KDM4C: variants seen among roughly 807,000 people sequenced by gnomAD.
The protein encoded by KDM4C is lysine-specific demethylase 4C.
Under a neutral mutation model 129.3 loss-of-function variants are expected in KDM4C, and 81 were observed. The ratio of observed to expected loss-of-function variants is 0.63; its 90% CI spans 0.52 to 0.75. KDM4C has a LOEUF of 0.75. Ranked by LOEUF, KDM4C falls within the 30% of genes least tolerant of loss-of-function variation. KDM4C has a pLI of 0.00. For missense variants in KDM4C, 1,457 were observed against 1,304.0 expected (o/e 1.12, Z -1.81); for synonymous variants, 573 against 456.1 (o/e 1.26, Z -3.26).
At chr9:6,886,739 G>A (rs563474009) in intron 6 of KDM4C, among the ~76,000 whole-genome samples, 138 of 152,046 alleles carry the variant, frequency 9.1e-4, no homozygotes, top group African/African-American at 3.1e-3. Flanking sequence ...TGGACCACCC[G>A]CCTCAGCCTC....
intron 1 of KDM4C, among the ~76,000 whole-genome samples, chr9:6,776,758 C>T (rs11790685): frequency 0.057 from 8,657 of 151,908 alleles, 272 homozygotes; most frequent in East Asian, 0.12. Context: ...CATACCACCA[C>T]GCCCGGGTAA....
In KDM4C at chr9:6,988,875, C is replaced by G. The variant is rs562837571; in HGVS notation, c.1678-1541C>G. ...GGCCTTCTCTGATTACCCTATAAAACTGCCCCCTCCCCATCACTTTCTATT... is the reference window on the plus strand; with the variant it reads ...GGCCTTCTCTGATTACCCTATAAAAGTGCCCCCTCCCCATCACTTTCTATT... On this transcript the variant is annotated intron_variant, in intron 11 of 21. Transcript: ENST00000381309. Among the ~76,000 whole-genome samples, 4 of 152,096 alleles carry G rather than the reference C, an allele frequency of 2.6e-5. No homozygotes were observed. In the East Asian group the frequency reaches 5.8e-4, roughly 22 times the overall value.
intron 8 of KDM4C, among the ~76,000 whole-genome samples, chr9:6,900,157 C>T (rs1230433449): frequency 6.6e-6 from 1 of 152,186 alleles, no homozygotes; most frequent in African/African-American, 2.4e-5. Context: ...CTGTCCTATA[C>T]TGGCCCCCTT....
chr9:7,029,911 G>A (rs893083942), intron 15 of KDM4C, among the ~76,000 whole-genome samples: 1 of 152,182 alleles, frequency 6.6e-6, no homozygotes, highest in East Asian at 1.9e-4. Flanking sequence ...TTTATTGCCA[G>A]TTTGAAAAAC....
intron 2 of KDM4C, among the ~76,000 whole-genome samples, chr9:6,804,622 G>A (rs1169671635): frequency 6.6e-6 from 1 of 151,936 alleles, no homozygotes; most frequent in African/African-American, 2.4e-5. Context: ...GCTGGGCGTG[G>A]TGGCAGGCGC....
intron 1 of KDM4C, among the ~76,000 whole-genome samples, chr9:6,789,052 T>G (rs1316401165): frequency 4.0e-5 from 6 of 151,664 alleles, no homozygotes; most frequent in African/African-American, 9.7e-5. Flanking sequence ...TTTTGTTTTT[T>G]TTTTTTTTTG....
chr9:6,888,277 C>A (rs747235055), intron 7 of KDM4C, among the ~76,000 whole-genome samples: 2 of 151,988 alleles, frequency 1.3e-5, no homozygotes, highest in Non-Finnish European at 2.9e-5. Flanking sequence ...TGCTATAGTT[C>A]ACTTATAATT....
intron 21 of KDM4C, chr9:7,170,509 C>A: frequency 1.0e-6 from 1 of 974,762 alleles, no homozygotes; most frequent in Non-Finnish European, 1.2e-6. Flanking sequence ...CAAACATGGA[C>A]AAATATTCAA....
intron 1 of KDM4C, among the ~76,000 whole-genome samples, chr9:6,725,110 G>T (rs931053025): frequency 6.6e-6 from 1 of 151,958 alleles, no homozygotes; most frequent in Non-Finnish European, 1.5e-5. Context: ...TCCTCTTCTG[G>T]AGTCAAATCT....
intron 8 of KDM4C, among the ~76,000 whole-genome samples, chr9:6,927,090 TCTA>T (rs1822725219): frequency 9.0e-5 from 2 of 22,290 alleles, no homozygotes; most frequent in South Asian, 1.3e-3. Flanking sequence ...AAAAAAATTT[TCTA>T]TCTATCTATC....
chr9:7,131,363 GT>G (rs576649942), intron 19 of KDM4C, among the ~76,000 whole-genome samples: 94 of 152,258 alleles, frequency 6.2e-4, no homozygotes, highest in African/African-American at 2.0e-3. Flanking sequence ...TATAGGGGAA[GT>G]TTTTTTCCCC....
chr9:7,007,462 G>A (rs1001310727), intron 12 of KDM4C, among the ~76,000 whole-genome samples: 3 of 152,196 alleles, frequency 2.0e-5, no homozygotes, highest in Non-Finnish European at 4.4e-5. Flanking sequence ...AGGGAGAAAA[G>A]GAGGCCTTTT....
intron 3 of KDM4C, among the ~76,000 whole-genome samples, chr9:6,806,711 G>T (rs929120183): frequency 6.6e-6 from 1 of 151,950 alleles, no homozygotes; most frequent in African/African-American, 2.4e-5. Context: ...CCCTTTCATG[G>T]CTTTTGATGG....
chr9:7,013,744 C>T, intron 13 of KDM4C, 44 bp from the exon 14 acceptor site: 3 of 1,582,746 alleles, frequency 1.9e-6, no homozygotes, highest in Non-Finnish European at 2.6e-6. Flanking sequence ...ATGATGAGCT[C>T]TTTTCCATGT....
At chr9:7,111,466 TA>T (rs1165427372) in intron 18 of KDM4C, among the ~76,000 whole-genome samples, 1 of 152,216 alleles carries the variant, frequency 6.6e-6, no homozygotes, top group Admixed American at 6.5e-5. Flanking sequence ...ATTATCTTTT[TA>T]TTTTTTTTTA....
chr9:6,971,008 C>T (rs987620871), intron 8 of KDM4C, among the ~76,000 whole-genome samples: 3 of 152,096 alleles, frequency 2.0e-5, no homozygotes, highest in African/African-American at 4.8e-5. Flanking sequence ...GCTGCTGCAG[C>T]TTATATTTAT....
chr9:7,118,071 C>T (rs2133269196), intron 18 of KDM4C, among the ~76,000 whole-genome samples: 1 of 152,280 alleles, frequency 6.6e-6, no homozygotes, highest in South Asian at 2.1e-4. Flanking sequence ...TCTTCACTTA[C>T]CAAACAGGGC....
chr9:7,157,198 G>T (rs576429240), intron 19 of KDM4C, among the ~76,000 whole-genome samples: 1 of 152,298 alleles, frequency 6.6e-6, no homozygotes, highest in African/African-American at 2.4e-5. Context: ...TTTGCACATT[G>T]ATTTTGTATC....
chr9:7,042,866 C>T (rs76545357), intron 15 of KDM4C, among the ~76,000 whole-genome samples: 45 of 152,046 alleles, frequency 3.0e-4, no homozygotes, highest in African/African-American at 9.2e-4. Context: ...ATGCTTTAAC[C>T]CATGGTCCTG....
Sources: gnomAD v4.1 joint callset for allele counts (sites outside exome capture counted in the v4.1 genomes callset) on GRCh38, gnomAD v4.1.1 for gene constraint, MANE v1.5 for transcripts, NCBI Gene and HGNC (gene_info 2026-07-23, HGNC 2026-07-21) for gene names.